The following GSE1 variants were observed in gnomAD, a reference collection of about 807,000 sequenced individuals.
GSE1 encodes the protein genetic suppressor element 1.
In GSE1, 32 loss-of-function variants were observed where a neutral mutation model predicts 112.6. The observed-to-expected ratio is 0.28, with a 90% confidence interval of 0.21 to 0.38. GSE1 has a LOEUF of 0.38. Ranked by LOEUF, GSE1 falls within the 10% of genes least tolerant of loss-of-function variation. The probability of loss-of-function intolerance (pLI) is 1.00; values close to 1 mark genes in which losing one functional copy is unlikely to be tolerated. For missense variants in GSE1, 2,348 were observed against 1,699.2 expected (o/e 1.38, Z -6.71); for synonymous variants, 1,115 against 735.6 (o/e 1.52, Z -8.35).
At chr16:85,543,155 T>C (rs7199816) in intron 2 of GSE1, among the ~76,000 whole-genome samples, 55,661 of 148,124 alleles carry the variant, frequency 0.38, 10,548 homozygotes, top group Middle Eastern at 0.52. Flanking sequence ...GAGCTTACAG[T>C]GAGCCGAGAT....
chr16:85,356,788 G>T (rs2046959461), intron 1 of GSE1, among the ~76,000 whole-genome samples: 1 of 152,180 alleles, frequency 6.6e-6, no homozygotes. Context: ...CACCGCGCCT[G>T]GCCTGTATCC....
chr16:85,639,871 C>G (rs930413020), intron 2 of GSE1, among the ~76,000 whole-genome samples: 1 of 152,232 alleles, frequency 6.6e-6, no homozygotes, highest in Non-Finnish European at 1.5e-5. Context: ...CGCCCGTCTG[C>G]CAAGGCGGCC....
chr16:85,515,018 A>T (rs988590374), intron 2 of GSE1, among the ~76,000 whole-genome samples: 3 of 152,052 alleles, frequency 2.0e-5, no homozygotes, highest in Admixed American at 1.3e-4. Flanking sequence ...GGCACATGTG[A>T]ATATCTGTGT....
chr16:85,191,570 C>T (rs974750363), intron 1 of GSE1, among the ~76,000 whole-genome samples: 7 of 152,204 alleles, frequency 4.6e-5, no homozygotes, highest in African/African-American at 1.4e-4. Context: ...TTTCCTGTTT[C>T]CCCCTCGGCA....
chr16:85,315,576 GTA>G (rs2045968463), intron 1 of GSE1, among the ~76,000 whole-genome samples: 1 of 152,104 alleles, frequency 6.6e-6, no homozygotes, highest in African/African-American at 2.4e-5. Flanking sequence ...GGGGACAAGA[GTA>G]ACCAAAACCC....
At chr16:85,627,036 C>A (rs1375599283) in intron 1 of GSE1, among the ~76,000 whole-genome samples, 2 of 36,664 alleles carry the variant, frequency 5.5e-5, no homozygotes, top group African/African-American at 2.2e-4. Flanking sequence ...GCTTCCTTTT[C>A]TTCTTGCCTT....
In GSE1 at chr16:85,634,003, C is replaced by T; in HGVS notation, c.97C>T (p.Pro33Ser). ...TATVNPLTPS[P>S]LNGALVPSGS... ...CACCGTCAACCCCCTCACCCCCTCG[C>T]CGCTCAATGGCGCCCTGGTGCCCAG... The change falls in exon 2 of 16, where the codon CCG (proline) becomes TCG (serine). Residue 33 changes from proline (P) to serine (S), a missense_variant. Coordinates refer to ENST00000253458, the MANE Select transcript of GSE1 (RefSeq NM_014615.5). The T allele has an allele frequency of 6.2e-7, 1 of 1,612,836 alleles. No individual in the cohort carries two copies. Among genetic ancestry groups the T allele is most frequent in the East Asian group, 2.2e-5 (1 of 44,862 alleles).
chr16:85,420,715 G>C (rs1362761629), intron 2 of GSE1, among the ~76,000 whole-genome samples: 1 of 152,220 alleles, frequency 6.6e-6, no homozygotes, highest in African/African-American at 2.4e-5. Context: ...ACTCTCAGGG[G>C]TGGCTAGCCA....
At chr16:85,626,042 C>G (rs966657917) in intron 1 of GSE1, among the ~76,000 whole-genome samples, 1 of 152,152 alleles carries the variant, frequency 6.6e-6, no homozygotes, top group Non-Finnish European at 1.5e-5. Context: ...TTTGCCTTAG[C>G]CATGAGTGAT....
chr16:85,509,423 C>A (rs1451042093), intron 2 of GSE1, among the ~76,000 whole-genome samples: 1 of 152,192 alleles, frequency 6.6e-6, no homozygotes, highest in Non-Finnish European at 1.5e-5. Flanking sequence ...GCCCCCAGCT[C>A]CAGGTACAGA....
intron 2 of GSE1, among the ~76,000 whole-genome samples, chr16:85,385,571 G>A (rs1248491341): frequency 6.6e-6 from 1 of 152,178 alleles, no homozygotes; most frequent in Non-Finnish European, 1.5e-5. Context: ...GGTGGAGGAG[G>A]GGTGTCCGCA....
chr16:85,530,059 T>C, intron 2 of GSE1, among the ~76,000 whole-genome samples: 1 of 152,208 alleles, frequency 6.6e-6, no homozygotes, highest in Non-Finnish European at 1.5e-5. Context: ...GTTCCTGCCC[T>C]GATTGGAACC....
intron 1 of GSE1, among the ~76,000 whole-genome samples, chr16:85,353,362 A>G (rs1054460047): frequency 2.6e-5 from 4 of 152,154 alleles, no homozygotes; most frequent in Non-Finnish European, 4.4e-5. Context: ...TGTTGGCTAT[A>G]TGTCTAGGAG....
intron 1 of GSE1, among the ~76,000 whole-genome samples, chr16:85,235,574 G>T (rs1201443625): frequency 1.6e-4 from 10 of 62,976 alleles, no homozygotes; most frequent in Admixed American, 4.7e-4. Context: ...TGTGTGTGTG[G>T]GTGGGGGGGG....
At chr16:85,186,691 G>T (rs1279373299) in intron 1 of GSE1, among the ~76,000 whole-genome samples, 1 of 152,040 alleles carries the variant, frequency 6.6e-6, no homozygotes, top group Non-Finnish European at 1.5e-5. Context: ...CCTGAGCTCA[G>T]AAGTTTGAGG....
intron 2 of GSE1, among the ~76,000 whole-genome samples, chr16:85,642,048 C>T (rs114003120): frequency 0.016 from 2,375 of 152,380 alleles, 71 homozygotes; most frequent in African/African-American, 0.055. Context: ...CAGCCTACAC[C>T]GGCTGAGGGC....
intron 1 of GSE1, among the ~76,000 whole-genome samples, chr16:85,344,532 A>G (rs1234900939): frequency 2.0e-5 from 3 of 152,212 alleles, no homozygotes; most frequent in Non-Finnish European, 4.4e-5. Context: ...CACCAGGAGC[A>G]TGTGTGAAGC....
intron 1 of GSE1, chr16:85,582,008 C>T (rs1175073590): frequency 2.0e-5 from 3 of 152,234 alleles, no homozygotes; most frequent in Admixed American, 6.5e-5. Flanking sequence ...GAGACAGATA[C>T]TGCCAGCTAC....
chr16:85,466,943 C>G (rs1482839381), intron 2 of GSE1, among the ~76,000 whole-genome samples: 2 of 152,166 alleles, frequency 1.3e-5, no homozygotes, highest in African/African-American at 4.8e-5. Flanking sequence ...CCCTGTAATC[C>G]CAGTTACTTG....
Sources: allele counts gnomAD v4.1 joint callset (sites outside exome capture counted in the v4.1 genomes callset), GRCh38; gene constraint gnomAD v4.1.1; transcripts MANE v1.5; gene names NCBI Gene and HGNC (gene_info 2026-07-23, HGNC 2026-07-21).